The following COMMD8 variants were observed in gnomAD, a reference collection of about 807,000 sequenced individuals.
COMMD8 encodes the protein COMM domain containing 8.
A neutral mutation model predicts 27.2 loss-of-function variants in COMMD8; 28 were observed. The observed-to-expected ratio is 1.03, with a 90% CI of 0.76 to 1.41. The LOEUF is 1.41. COMMD8 is among the 40% of genes most tolerant of loss of function. COMMD8 has a pLI of 0.00. For missense variants in COMMD8, 217 were observed against 211.2 expected (o/e 1.03, Z -0.17); for synonymous variants, 79 against 75.5 (o/e 1.05, Z -0.24).
chr4:47,452,991 C>T, intron 4 of COMMD8, 68 bp downstream of exon 4: 1 of 1,400,222 alleles, frequency 7.1e-7, no homozygotes, highest in Non-Finnish European at 9.7e-7. Flanking sequence ...AGTGAGACTC[C>T]AACGCAAACA....
rs80227482 is a variant in COMMD8, at chr4:47,460,476, C to T, written c.67-177G>A. The stretch of plus-strand genomic sequence containing the variant: ...TTAAAAATTAGAACTCATAAAAATC[C>T]TAGACTTTCTATTATTATGTTGACC... On this transcript the variant is annotated intron_variant, in intron 1 of 4. Coordinates refer to ENST00000381571, the MANE Select transcript of COMMD8 (RefSeq NM_017845.5). Among the ~76,000 whole-genome samples the T allele has an allele frequency of 6.5e-3, 995 of 152,042 alleles. 11 individuals carry two copies. The highest frequency in any genetic ancestry group is 0.023 in the African/African-American group (938 of 41,466).
At position 47,451,659 on chromosome 4, in the gene COMMD8, G is replaced by A. The variant is rs748795637; in HGVS notation, c.538C>T (p.Leu180=). ...QSLEAANKVV[L]QLK is the part of the protein sequence containing the mutation. The stretch of plus-strand genomic sequence containing the variant: ...ATCATTTCCAGTTATTTCAACTGCA[G>A]GACCACCTTAAAACACAAATTGAAG... Residue 180 remains leucine (L), a synonymous_variant, in exon 5 of 5, where the codon CTG becomes TTG. Transcript: ENST00000381571. 19 of 1,580,186 alleles carry A rather than the reference G, an allele frequency of 1.2e-5. No individual in the cohort carries two copies. The East Asian group carries it at 4.5e-4, about 37-fold the overall frequency.
rs1371607499 is a variant in COMMD8, at chr4:47,456,649, G to C, written c.303C>G (p.Ile101Met). The stretch of plus-strand genomic sequence containing the variant: ...CTATTTCTCTTGACAGAGCCTGTTT[G>C]ATTTCATCTTTCCTACTTTTCACGC... ...MKCVKSRKDEIKQALSREIVA... is the reference protein window; with the variant it reads ...MKCVKSRKDEMKQALSREIVA... Residue 101 changes from isoleucine (I) to methionine (M), a missense_variant, in exon 3 of 5, where the codon ATC (isoleucine) becomes ATG (methionine). Physicochemically the swap from Ile to Met is conservative, Grantham distance 10 (BLOSUM62 1). Coordinates refer to ENST00000381571, the MANE Select transcript of COMMD8 (RefSeq NM_017845.5). 3.1e-6 allele frequency: 5 copies of C among 1,609,586 alleles called. No homozygotes were observed. The South Asian group carries it at 3.3e-5, about 11-fold the overall frequency.
At chr4:47,456,276 A>ATG (rs1729884550) in intron 3 of COMMD8, among the ~76,000 whole-genome samples, 1 of 71,494 alleles carries the variant, frequency 1.4e-5, no homozygotes, top group Admixed American at 1.2e-4. Context: ...ACATATATAT[A>ATG]TATATATATA....
rs1729744823 is a variant in COMMD8, at chr4:47,451,253, A to G, written c.*392T>C. ...AAATATCACAAAGTATATATCCATA[A>G]TATATGTTGCTATTCACACAATTCT... On this transcript the variant is annotated 3_prime_UTR_variant, in exon 5 of 5. Transcript: ENST00000381571. 1 of 203,856 alleles carries G rather than the reference A, an allele frequency of 4.9e-6. No individual in the cohort carries two copies. The highest frequency in any genetic ancestry group is 9.8e-6 in the Non-Finnish European group (1 of 101,998). 12.6% of individuals were successfully genotyped at this position (203,856 alleles called of 1,614,324 possible). A position where few individuals can be genotyped will look rare whatever the true frequency, so the allele number is the denominator to read the frequency against.
rs145737909 is a variant in COMMD8, at chr4:47,453,180, C to T, written c.410G>A (p.Arg137Gln). 67 of 1,613,774 alleles carry T rather than the reference C, an allele frequency of 4.2e-5. No homozygotes were observed. In the African/African-American group the frequency reaches 6.8e-4, roughly 16 times the overall value. The stretch of plus-strand genomic sequence containing the variant: ...TAGATGCAGGCTTAAAAGTGGCATT[C>T]GTAATGCAGCAATCTTGTCACTGGA... ...ALSSDKIAAL[R>Q]MPLLSLHLDV... The change falls in exon 4 of 5, where the codon CGA (arginine) becomes CAA (glutamine). Residue 137 changes from arginine (R) to glutamine (Q), a missense_variant. By Grantham distance (43) the Arg-to-Gln change is conservative. Coordinates refer to ENST00000381571, the MANE Select transcript of COMMD8 (RefSeq NM_017845.5).
chr4:47,454,525 A>T (rs540717337), intron 3 of COMMD8, among the ~76,000 whole-genome samples: 1 of 152,232 alleles, frequency 6.6e-6, no homozygotes, highest in South Asian at 2.1e-4. Context: ...CACTAAGAAG[A>T]TATTATCACT....
At position 47,451,525 on chromosome 4, in the gene COMMD8, C is replaced by G. The variant is rs1729752371; in HGVS notation, c.*120G>C. On this transcript the variant is annotated 3_prime_UTR_variant, in exon 5 of 5. Transcript: ENST00000381571. Reference sequence around the variant, plus strand: ...TTTTATCTTTATAATATCAATATTGCTGCTTTCTCAGCCTGGTGCAACAGT... The same window carrying G: ...TTTTATCTTTATAATATCAATATTGGTGCTTTCTCAGCCTGGTGCAACAGT... 2 of 751,454 alleles carry G rather than the reference C, an allele frequency of 2.7e-6. No individual in the cohort carries two copies. Among genetic ancestry groups the G allele is most frequent in the Non-Finnish European group, 4.6e-6 (2 of 438,340 alleles). The allele number at this position is 751,454 out of a possible 1,614,324, so 46.5% of individuals were successfully genotyped here.
intron 4 of COMMD8, 55 bp from the exon 5 acceptor site, chr4:47,451,720 T>G: frequency 7.4e-7 from 1 of 1,348,044 alleles, no homozygotes; most frequent in Non-Finnish European, 1.0e-6. Context: ...GATGCTGATA[T>G]ATTCCATATT....
intron 4 of COMMD8, among the ~76,000 whole-genome samples, chr4:47,452,116 C>T (rs577469693): frequency 2.0e-5 from 3 of 152,180 alleles, no homozygotes; most frequent in Admixed American, 6.5e-5. Flanking sequence ...TGAGCAATAA[C>T]GAAGAAACAT....
chr4:47,451,666 CT>C lies in COMMD8; in HGVS notation c.532-2del. ...CCAGTTATTTCAACTGCAGGACCAC[CT>C]TAAAACACAAATTGAAGAGAAAATA... On this transcript the variant is annotated splice_acceptor_variant, in intron 4 of 4. Coordinates refer to ENST00000381571, the MANE Select transcript of COMMD8 (RefSeq NM_017845.5). LOFTEE classifies it high-confidence loss of function. 6.4e-7 allele frequency: 1 copy of C among 1,571,312 alleles called. No individual in the cohort carries two copies. Among genetic ancestry groups the C allele is most frequent in the Non-Finnish European group, 8.6e-7 (1 of 1,164,060 alleles).
At chr4:47,453,483 T>C (rs1729810742) in intron 3 of COMMD8, among the ~76,000 whole-genome samples, 1 of 152,170 alleles carries the variant, frequency 6.6e-6, no homozygotes, top group Non-Finnish European at 1.5e-5. Flanking sequence ...ATCAGAGTCA[T>C]GCCTGGGAAG....
rs767085157 is a variant in COMMD8 at position 47,460,201 on chromosome 4, T to C, written c.165A>G (p.Leu55=). The change falls in exon 2 of 5, where the codon TTA becomes TTG. Residue 55 remains leucine, a synonymous_variant. Coordinates refer to ENST00000381571, the MANE Select transcript of COMMD8 (RefSeq NM_017845.5). ...CTTTGAAAAATTTGGCAATATCTTC[T>C]AAAACGTGCATCCATTCTTCTGATT... ...VWESEEWMHV[L]EDIAKFFKAI... is the part of the protein sequence containing the mutation. 1.2e-6 allele frequency: 2 copies of C among 1,613,724 alleles called. No individual in the cohort carries two copies. Among genetic ancestry groups the C allele is most frequent in the South Asian group, 1.1e-5 (1 of 91,068 alleles).
Position 47,453,078 on chromosome 4 carries a change from G to A in COMMD8, c.512C>T (p.Ser171Phe), listed in dbSNP as rs867082023. 5 of 1,610,454 alleles carry A rather than the reference G, an allele frequency of 3.1e-6. No individual in the cohort carries two copies. The highest frequency in any genetic ancestry group is 4.2e-6 in the Non-Finnish European group (5 of 1,178,446). The change falls in exon 4 of 5, where the codon TCC becomes TTC. Residue 171 changes from serine (S) to phenylalanine (F), a missense_variant. Physicochemically the swap from Ser to Phe is radical, Grantham distance 155. Coordinates refer to ENST00000381571, the MANE Select transcript of COMMD8 (RefSeq NM_017845.5). ...SREELQNLIQ[S>F]LEAANKVVLQ... ...AAATACCTTATTCGCTGCTTCCAAG[G>A]ACTGTATTAGATTCTGCAGCTCCTC...
At chr4:47,461,539 C>G (rs1398267826) in intron 1 of COMMD8, among the ~76,000 whole-genome samples, 4 of 151,822 alleles carry the variant, frequency 2.6e-5, no homozygotes, top group Non-Finnish European at 2.9e-5. Context: ...ACCCAGAACT[C>G]AAACTGAAAA....
chr4:47,451,168 CAT>C lies in COMMD8; in HGVS notation c.*475_*476del, dbSNP rs1444902088. The C allele has an allele frequency of 2.0e-5, 3 of 152,652 alleles. No homozygotes were observed. The highest frequency in any genetic ancestry group is 4.4e-5 in the Non-Finnish European group (3 of 68,422). 9.5% of individuals were successfully genotyped at this position (152,652 alleles called of 1,614,324 possible). A position where few individuals can be genotyped will look rare whatever the true frequency, so the allele number is the denominator to read the frequency against. On this transcript the variant is annotated 3_prime_UTR_variant, in exon 5 of 5. Coordinates refer to ENST00000381571, the MANE Select transcript of COMMD8 (RefSeq NM_017845.5). ...TCTTTCCTCTGAAATATGAGAAAGACATGGAATCTCCTGAGTTATATATGCAG... is the reference window on the plus strand; with the variant it reads ...TCTTTCCTCTGAAATATGAGAAAGACGGAATCTCCTGAGTTATATATGCAG...
intron 3 of COMMD8, among the ~76,000 whole-genome samples, chr4:47,456,319 G>T (rs1442034849): frequency 2.3e-5 from 3 of 131,616 alleles, no homozygotes; most frequent in Non-Finnish European, 3.2e-5. Flanking sequence ...TTGACTATAT[G>T]CTGCCCCATC....
intron 2 of COMMD8, chr4:47,459,919 T>A: frequency 2.6e-6 from 1 of 386,442 alleles, no homozygotes; most frequent in Non-Finnish European, 4.5e-6. Flanking sequence ...GTCAGTTATA[T>A]AATTTCTTGT....
intron 1 of COMMD8, among the ~76,000 whole-genome samples, chr4:47,461,460 A>T (rs1453019482): frequency 6.6e-6 from 1 of 152,150 alleles, no homozygotes; most frequent in Non-Finnish European, 1.5e-5. Flanking sequence ...ATAAATCAAC[A>T]TACTCAATTT....
Sources: allele counts gnomAD v4.1 joint callset (sites outside exome capture counted in the v4.1 genomes callset), GRCh38; gene constraint gnomAD v4.1.1; transcripts MANE v1.5; gene names NCBI Gene and HGNC (gene_info 2026-07-23, HGNC 2026-07-21).